Variants in NCALD observed in about 807,000 individuals in gnomAD.
NCALD encodes neurocalcin delta, also known as neurocalcin-delta.
NCALD carries 10 observed loss-of-function variants against 18.6 expected under a neutral mutation model. That is an observed-to-expected ratio of 0.54 (90% CI 0.33 to 0.91). The LOEUF (loss-of-function observed/expected upper bound fraction) is 0.91. NCALD is among the 40% of genes least tolerant of loss of function. The probability of loss-of-function intolerance (pLI) is 0.03; values close to 1 mark genes in which losing one functional copy is unlikely to be tolerated. For synonymous variants in NCALD, 88 were observed against 87.4 expected (o/e 1.01, Z -0.04); for missense variants, 184 against 247.6 (o/e 0.74, Z 1.72).
At chr8:101,834,379 G>A (rs561213824) in intron 4 of NCALD, among the ~76,000 whole-genome samples, 8 of 152,370 alleles carry the variant, frequency 5.3e-5, no homozygotes, top group South Asian at 4.1e-4. Flanking sequence ...CAGGCTTCAC[G>A]TGAAGCTGGA....
intron 1 of NCALD, among the ~76,000 whole-genome samples, chr8:101,777,324 C>T (rs1276432272): frequency 1.3e-5 from 2 of 152,136 alleles, no homozygotes; most frequent in Admixed American, 1.3e-4. Flanking sequence ...AAGCTTGTAG[C>T]TTAATGGAGA....
In NCALD at chr8:101,818,136, T is replaced by G. The variant is rs187064726; in HGVS notation, c.-20+69005A>C. Among the ~76,000 whole-genome samples, 3 of 152,254 alleles carry G rather than the reference T, an allele frequency of 2.0e-5. No individual in the cohort carries two copies. In the East Asian group the frequency reaches 5.8e-4, roughly 29 times the overall value. ...GTCAACATTTAAAAATTATAAAACA[T>G]TATAAAGGGAAATGCTTAAAAATAA... On this transcript the variant is annotated intron_variant, in intron 4 of 6. Transcript: ENST00000311028.
intron 1 of NCALD, among the ~76,000 whole-genome samples, chr8:101,781,857 T>C (rs1427276676): frequency 6.6e-6 from 1 of 151,944 alleles, no homozygotes; most frequent in African/African-American, 2.4e-5. Flanking sequence ...ATAATATTTT[T>C]CTTAAAGATG....
intron 4 of NCALD, among the ~76,000 whole-genome samples, chr8:101,826,761 T>C (rs1006407463): frequency 2.6e-5 from 4 of 152,230 alleles, no homozygotes; most frequent in Non-Finnish European, 5.9e-5. Context: ...ATTAGGAGGA[T>C]CCTGGCTTAA....
chr8:102,058,746 G>A (rs978709402), intron 1 of NCALD, among the ~76,000 whole-genome samples: 7 of 152,160 alleles, frequency 4.6e-5, no homozygotes, highest in Admixed American at 1.3e-4. Flanking sequence ...AGAACATTGT[G>A]AGTATATTTC....
At chr8:102,110,307 G>C (rs770988062) in intron 1 of NCALD, among the ~76,000 whole-genome samples, 19 of 152,228 alleles carry the variant, frequency 1.2e-4, no homozygotes, top group Middle Eastern at 3.4e-3. Flanking sequence ...GAGAAGAAAT[G>C]CAACTAGTAT....
intron 4 of NCALD, among the ~76,000 whole-genome samples, chr8:101,823,840 AACTG>A (rs1563802355): frequency 6.6e-6 from 1 of 152,196 alleles, no homozygotes; most frequent in Non-Finnish European, 1.5e-5. Flanking sequence ...GGGGAATGCC[AACTG>A]AGTCAACTGA....
intron 1 of NCALD, among the ~76,000 whole-genome samples, chr8:102,026,876 C>T (rs1822477530): frequency 6.6e-6 from 1 of 152,216 alleles, no homozygotes; most frequent in South Asian, 2.1e-4. Context: ...GGTTCCCAAA[C>T]CACAATTCTT....
chr8:102,036,516 T>A (rs1252463223), intron 1 of NCALD, among the ~76,000 whole-genome samples: 2 of 152,176 alleles, frequency 1.3e-5, no homozygotes, highest in African/African-American at 2.4e-5. Context: ...GGCTCACGCC[T>A]GTAATCCCAG....
chr8:101,969,212 C>T (rs995091504), intron 2 of NCALD, among the ~76,000 whole-genome samples: 4 of 152,176 alleles, frequency 2.6e-5, no homozygotes, highest in African/African-American at 7.2e-5. Flanking sequence ...CAAAAAAATA[C>T]GGTACCATCC....
At chr8:101,952,586 AGCACCCG>A (rs1026603019) in intron 2 of NCALD, among the ~76,000 whole-genome samples, 4 of 152,160 alleles carry the variant, frequency 2.6e-5, no homozygotes, top group African/African-American at 7.2e-5. Context: ...CACAGCTGAG[AGCACCCG>A]TGTTGTCAGC....
intron 1 of NCALD, among the ~76,000 whole-genome samples, chr8:101,776,122 G>A (rs1336276818): frequency 6.6e-6 from 1 of 152,158 alleles, no homozygotes; most frequent in Non-Finnish European, 1.5e-5. Flanking sequence ...CCACTGAGAT[G>A]TCTTTAGTAA....
At chr8:102,003,415 G>A (rs1332019277) in intron 2 of NCALD, among the ~76,000 whole-genome samples, 10 of 152,152 alleles carry the variant, frequency 6.6e-5, no homozygotes, top group Non-Finnish European at 1.5e-4. Context: ...AAGATTCCAG[G>A]ACCAGATGGA....
intron 3 of NCALD, among the ~76,000 whole-genome samples, chr8:101,891,014 A>C (rs1025834574): frequency 6.6e-6 from 1 of 152,266 alleles, no homozygotes; most frequent in Non-Finnish European, 1.5e-5. Flanking sequence ...ACACCTTAGA[A>C]ACATAATGAA....
At chr8:101,995,195 G>C (rs1211309714) in intron 2 of NCALD, among the ~76,000 whole-genome samples, 2 of 152,326 alleles carry the variant, frequency 1.3e-5, no homozygotes, top group East Asian at 1.9e-4. Flanking sequence ...AGCCAATTCA[G>C]CTGGCAACTA....
intron 1 of NCALD, among the ~76,000 whole-genome samples, chr8:102,098,156 T>C (rs1166052834): frequency 6.6e-6 from 1 of 152,162 alleles, no homozygotes; most frequent in Non-Finnish European, 1.5e-5. Context: ...AGAAAGAAGA[T>C]TGGGATGACC....
At chr8:101,807,765 T>C (rs75352516) in intron 4 of NCALD, among the ~76,000 whole-genome samples, 2,054 of 152,328 alleles carry the variant, frequency 0.013, 55 homozygotes, top group African/African-American at 0.046. Context: ...CCTTGCATTG[T>C]GCTTTATAAT....
At chr8:101,927,126 A>T (rs1321548755) in intron 2 of NCALD, among the ~76,000 whole-genome samples, 1 of 152,074 alleles carries the variant, frequency 6.6e-6, no homozygotes, top group Non-Finnish European at 1.5e-5. Context: ...CACTAGCATG[A>T]TCCTCACCTT....
At chr8:101,984,917 C>T (rs1820748327) in intron 2 of NCALD, among the ~76,000 whole-genome samples, 1 of 152,136 alleles carries the variant, frequency 6.6e-6, no homozygotes, top group African/African-American at 2.4e-5. Flanking sequence ...AACTTAGGCA[C>T]CCCACACACT....
Sources: gnomAD v4.1 joint callset for allele counts (sites outside exome capture counted in the v4.1 genomes callset) on GRCh38, gnomAD v4.1.1 for gene constraint, MANE v1.5 for transcripts, NCBI Gene and HGNC (gene_info 2026-07-23, HGNC 2026-07-21) for gene names.